DNMT3A: variants seen among roughly 807,000 people sequenced by gnomAD.
The protein encoded by DNMT3A is DNA (cytosine-5)-methyltransferase 3A.
A neutral mutation model predicts 117.6 loss-of-function variants in DNMT3A; 267 were observed. That is an observed-to-expected ratio of 2.27 (90% CI 2.05 to 2.51). DNMT3A has a LOEUF of 2.51. DNMT3A is among the 30% of genes most tolerant of loss of function. The pLI, the probability that DNMT3A is intolerant of heterozygous loss-of-function variation, is 0.00. For synonymous variants in DNMT3A, 432 were observed against 474.8 expected (o/e 0.91, Z 1.17); for missense variants, 1,029 against 1,260.2 (o/e 0.82, Z 2.78).
rs764855628 is a variant in DNMT3A, at chr2:25,235,706, C to T, written c.2597+1G>A. 2.5e-6 allele frequency: 4 copies of T among 1,612,440 alleles called. No homozygotes were observed. The highest frequency in any genetic ancestry group is 2.5e-6 in the Non-Finnish European group (3 of 1,178,742). On this transcript the variant is annotated splice_donor_variant, in intron 22 of 22. Coordinates refer to ENST00000321117, the MANE Select transcript of DNMT3A (RefSeq NM_022552.5). LOFTEE classifies it high-confidence loss of function. ...GCCAGATGCCAGCACAACCCGGGTA[C>T]CTTTCCATTTCAGTGCACCATAAGA...
intron 22 of DNMT3A, among the ~76,000 whole-genome samples, chr2:25,235,446 A>G (rs1419281054): frequency 1.3e-5 from 2 of 152,038 alleles, no homozygotes; most frequent in Admixed American, 1.3e-4. Context: ...CGGCCTCCCA[A>G]AGTGCTGGGA....
chr2:25,315,508 G>A (rs2034336745), intron 1 of DNMT3A, among the ~76,000 whole-genome samples: 1 of 152,218 alleles, frequency 6.6e-6, no homozygotes, highest in South Asian at 2.1e-4. Flanking sequence ...GCGCAGTGCT[G>A]GGCTTAAGGA....
At chr2:25,280,458 C>T (rs1465191315) in intron 4 of DNMT3A, among the ~76,000 whole-genome samples, 1 of 152,056 alleles carries the variant, frequency 6.6e-6, no homozygotes, top group Non-Finnish European at 1.5e-5. Context: ...TGCTCCCTCC[C>T]ACCTGGGAGC....
intron 1 of DNMT3A, among the ~76,000 whole-genome samples, chr2:25,329,673 C>CCA (rs55905204): frequency 0.084 from 11,561 of 138,378 alleles, 552 homozygotes; most frequent in East Asian, 0.26. Context: ...CATGCAGACC[C>CCA]CACACACACA....
intron 6 of DNMT3A, among the ~76,000 whole-genome samples, chr2:25,256,304 T>A (rs984416296): frequency 2.6e-5 from 4 of 152,098 alleles, no homozygotes; most frequent in African/African-American, 9.7e-5. Context: ...CCGTGTGATA[T>A]CATGAAGCCC....
intron 1 of DNMT3A, among the ~76,000 whole-genome samples, chr2:25,335,181 A>G (rs1052331291): frequency 3.3e-5 from 5 of 152,192 alleles, no homozygotes; most frequent in East Asian, 1.9e-4. Flanking sequence ...GATCTAACAC[A>G]TCAGAACAGA....
rs762066667 is a variant in DNMT3A, at chr2:25,247,780, C to T, written c.856-31G>A. The T allele has an allele frequency of 1.1e-5, 18 of 1,606,160 alleles. No homozygotes were observed. Among genetic ancestry groups the T allele is most frequent in the Non-Finnish European group, 1.5e-5 (18 of 1,178,376 alleles). Reference sequence around the variant, plus strand: ...GCCCCAAGGAGCAGAAATCATTACACAGTGGTCACGAGGCCCTGCCACCCT... The same window carrying T: ...GCCCCAAGGAGCAGAAATCATTACATAGTGGTCACGAGGCCCTGCCACCCT... On this transcript the variant is annotated intron_variant, in intron 7 of 22. Coordinates refer to ENST00000321117, the MANE Select transcript of DNMT3A (RefSeq NM_022552.5). The surrounding 1 kb of genome is among the most constrained non-coding windows in gnomAD (Gnocchi z 5.6).
At chr2:25,341,665 G>T (rs2035462101) in intron 1 of DNMT3A, among the ~76,000 whole-genome samples, 161 bp downstream of exon 1, 3 of 144,040 alleles carry the variant, frequency 2.1e-5, no homozygotes, top group Admixed American at 2.1e-4. Flanking sequence ...CGCCGTCCCC[G>T]CCTGCAGTCC....
intron 1 of DNMT3A, among the ~76,000 whole-genome samples, chr2:25,336,391 G>T (rs2035217263): frequency 6.6e-6 from 1 of 152,112 alleles, no homozygotes; most frequent in African/African-American, 2.4e-5. Flanking sequence ...ACCTCTGGGA[G>T]GCCAGAAAAG....
chr2:25,300,145 G>T lies in DNMT3A; in HGVS notation c.171C>A (p.His57Gln), dbSNP rs139047498. Residue 57 changes from histidine to glutamine, a missense_variant, in exon 3 of 23, where the codon CAC (histidine) becomes CAA (glutamine). Coordinates refer to ENST00000321117, the MANE Select transcript of DNMT3A (RefSeq NM_022552.5). Reference sequence around the variant, plus strand: ...TGTAGGATGTGACACTCACCGGGGGGTGCTTGCGCTTCCTCCCAGGCCGCC... The same window carrying T: ...TGTAGGATGTGACACTCACCGGGGGTTGCTTGCGCTTCCTCCCAGGCCGCC... ...KVGRPGRKRK[H>Q]PPVESGDTPK... is the part of the protein sequence containing the mutation. 6.2e-7 allele frequency: 1 copy of T among 1,613,250 alleles called. No individual in the cohort carries two copies. The highest frequency in any genetic ancestry group is 8.5e-7 in the Non-Finnish European group (1 of 1,179,882).
rs764189041 is a variant in DNMT3A at position 25,247,036 on chromosome 2, A to C, written c.1122+15T>G. On this transcript the variant is annotated intron_variant, in intron 9 of 22. Transcript: ENST00000321117. The surrounding 1 kb of genome is among the most constrained non-coding windows in gnomAD (Gnocchi z 5.6). ...CTCTAGGCTCCTCCTCCGAGCTCCC[A>C]GCAGGGACACTCACCTGCAGGACCT... 2 of 1,612,116 alleles carry C rather than the reference A, an allele frequency of 1.2e-6. No homozygotes were observed. Among genetic ancestry groups the C allele is most frequent in the South Asian group, 2.2e-5 (2 of 90,734 alleles).
rs529563297 is a variant in DNMT3A, at chr2:25,339,828, G to A, written c.-178+1998C>T. On this transcript the variant is annotated intron_variant, in intron 1 of 22. Transcript: ENST00000321117. The surrounding 1 kb of genome is among the most constrained non-coding windows in gnomAD (Gnocchi z 4.9). ...CCCACAGGCCAGTCCTAACACCCAG[G>A]CAATAGCAAGGCGAATAGCTCCCCT... Among the ~76,000 whole-genome samples the A allele has an allele frequency of 1.8e-4, 28 of 152,346 alleles. 1 individual carries two copies. The highest frequency in any genetic ancestry group is 6.3e-4 in the African/African-American group (26 of 41,584).
chr2:25,277,425 TGGC>T (rs1279807221), intron 4 of DNMT3A, among the ~76,000 whole-genome samples: 111 of 151,900 alleles, frequency 7.3e-4, no homozygotes, highest in African/African-American at 2.6e-3. Flanking sequence ...CGCGATCAGG[TGGC>T]GGCCTGGGGG....
intron 6 of DNMT3A, among the ~76,000 whole-genome samples, chr2:25,273,858 C>T (rs1344488749): frequency 2.6e-5 from 4 of 152,246 alleles, no homozygotes; most frequent in African/African-American, 4.8e-5. Flanking sequence ...TCCCCAGACA[C>T]CGCTCTGTAC....
chr2:25,241,607 C>G lies in DNMT3A; in HGVS notation c.2037G>C (p.Gly679=), dbSNP rs1398860004. Residue 679 remains glycine (G), a synonymous_variant, in exon 17 of 23, where the codon GGG becomes GGC. Transcript: ENST00000321117. ...SITVGMVRHQ[G]KIMYVGDVRS... ...GGACGTCCCCGACGTACATGATCTTCCCCTGGTGCCGCACCATGCCCACCG... is the reference window on the plus strand; with the variant it reads ...GGACGTCCCCGACGTACATGATCTTGCCCTGGTGCCGCACCATGCCCACCG... 2 of 1,613,520 alleles carry G rather than the reference C, an allele frequency of 1.2e-6. No individual in the cohort carries two copies. Among genetic ancestry groups the G allele is most frequent in the Non-Finnish European group, 1.7e-6 (2 of 1,179,770 alleles).
intron 1 of DNMT3A, 117 bp downstream of exon 1, chr2:25,341,709 G>T: frequency 1.3e-6 from 1 of 758,688 alleles, no homozygotes; most frequent in Non-Finnish European, 1.6e-6. Flanking sequence ...GAGTTGCAGG[G>T]GTCCGGGAGC....
chr2:25,240,667 C>A lies in DNMT3A; in HGVS notation c.2146G>T (p.Val716Phe), dbSNP rs1418039680. 2 of 1,614,092 alleles carry A rather than the reference C, an allele frequency of 1.2e-6. No homozygotes were observed. The highest frequency in any genetic ancestry group is 8.5e-7 in the Non-Finnish European group (1 of 1,180,044). Reference protein sequence around the residue: ...GGSPCNDLSIVNPARKGLYEG... With the variant: ...GGSPCNDLSIFNPARKGLYEG... Reference sequence around the variant, plus strand: ...TAGAGGCCCTTGCGAGCAGGGTTGACGATGGAGAGGTCATTGCAGGGACTG... The same window carrying A: ...TAGAGGCCCTTGCGAGCAGGGTTGAAGATGGAGAGGTCATTGCAGGGACTG... The change falls in exon 18 of 23, where the codon GTC becomes TTC. Residue 716 changes from valine to phenylalanine, a missense_variant. By Grantham distance (50) the Val-to-Phe change is conservative. Coordinates refer to ENST00000321117, the MANE Select transcript of DNMT3A (RefSeq NM_022552.5).
Position 25,281,646 on chromosome 2 carries a change from T to C in DNMT3A, c.448+795A>G. Reference sequence around the variant, plus strand: ...GCCCTGGGAGGATCAAATGTGATAATGTATGAGAAAGCGCTTTGTAAACTG... The same window carrying C: ...GCCCTGGGAGGATCAAATGTGATAACGTATGAGAAAGCGCTTTGTAAACTG... On this transcript the variant is annotated intron_variant, in intron 4 of 22. Transcript: ENST00000321117. This position sits in a 1 kb window ranked among gnomAD's most constrained non-coding sequence, Gnocchi z 4.8. The C allele has an allele frequency of 9.4e-7, 1 of 1,065,384 alleles. No individual in the cohort carries two copies. The highest frequency in any genetic ancestry group is 4.6e-5 in the South Asian group (1 of 21,976). The allele number at this position is 1,065,384 out of a possible 1,614,324, so 66.0% of individuals were successfully genotyped here.
intron 2 of DNMT3A, among the ~76,000 whole-genome samples, chr2:25,301,563 C>T (rs942743915): frequency 6.6e-6 from 1 of 152,164 alleles, no homozygotes. Flanking sequence ...ATGCTTGTCT[C>T]CTGGGGCACA....
Sources: gnomAD v4.1 joint callset for allele counts (sites outside exome capture counted in the v4.1 genomes callset) on GRCh38, gnomAD v4.1.1 for gene constraint, Gnocchi (gnomAD v3.1) non-coding constraint, MANE v1.5 for transcripts, NCBI Gene and HGNC (gene_info 2026-07-23, HGNC 2026-07-21) for gene names.